FANCL: variants seen among roughly 807,000 people sequenced by gnomAD.
FANCL encodes the protein E3 ubiquitin-protein ligase FANCL.
FANCL carries 69 observed loss-of-function variants against 59.4 expected under a neutral mutation model. The observed-to-expected ratio is 1.16, with a 90% CI of 0.96 to 1.42. The LOEUF is 1.42. Ranked by LOEUF, FANCL falls within the 40% of genes most tolerant of loss-of-function variation. FANCL has a pLI of 0.00. For synonymous variants in FANCL, 180 were observed against 147.1 expected (o/e 1.22, Z -1.62); for missense variants, 519 against 447.2 (o/e 1.16, Z -1.45).
At chr2:58,174,126 G>C (rs1274036984) in intron 7 of FANCL, among the ~76,000 whole-genome samples, 1 of 152,174 alleles carries the variant, frequency 6.6e-6, no homozygotes, top group Non-Finnish European at 1.5e-5. Context: ...GGAGCACCCA[G>C]ATTCATAAAA....
chr2:58,198,688 C>G (rs985619388), intron 6 of FANCL, 26 bp from the exon 7 acceptor site: 2 of 1,579,222 alleles, frequency 1.3e-6, no homozygotes, highest in African/African-American at 1.3e-5. Context: ...AACATTAGAC[C>G]ATTTTTGCTT....
chr2:58,238,572 A>C (rs541209988), intron 1 of FANCL, among the ~76,000 whole-genome samples: 1 of 152,316 alleles, frequency 6.6e-6, no homozygotes, highest in African/African-American at 2.4e-5. Context: ...GACACAAACT[A>C]CCAAAGCTCA....
At chr2:58,175,640 T>A (rs930586749) in intron 7 of FANCL, among the ~76,000 whole-genome samples, 2 of 152,110 alleles carry the variant, frequency 1.3e-5, no homozygotes, top group Non-Finnish European at 2.9e-5. Flanking sequence ...TATCTCAAAA[T>A]AATAAGAGCT....
At position 58,175,329 on chromosome 2, in the gene FANCL, C is replaced by A. The variant is rs544234144; in HGVS notation, c.541-9455G>T. On this transcript the variant is annotated intron_variant, in intron 7 of 13. Coordinates refer to ENST00000233741, the MANE Select transcript of FANCL (RefSeq NM_018062.4). Reference sequence around the variant, plus strand: ...TACCAAAGCCGGGCAGAGACACAACCAAAAAAGAGAATTTTACACCAATAT... The same window carrying A: ...TACCAAAGCCGGGCAGAGACACAACAAAAAAAGAGAATTTTACACCAATAT... Among the ~76,000 whole-genome samples the A allele has an allele frequency of 5.1e-3, 758 of 147,422 alleles. 5 individuals carry two copies. The highest frequency in any genetic ancestry group is 0.018 in the African/African-American group (691 of 38,252).
rs1299778194 is a variant in FANCL, at chr2:58,221,933, CAG to C, written c.374+7_374+8del. The C allele has an allele frequency of 6.3e-7, 1 of 1,579,494 alleles. No homozygotes were observed. The highest frequency in any genetic ancestry group is 1.3e-5 in the African/African-American group (1 of 74,196). On this transcript the variant is annotated splice_region_variant and intron_variant, in intron 5 of 13. Coordinates refer to ENST00000233741, the MANE Select transcript of FANCL (RefSeq NM_018062.4). Reference sequence around the variant, plus strand: ...AAGGCATTTAAAACATATTTTAAAACAGACATACTTATCCCAACCAAGAGTTC... The same window carrying C: ...AAGGCATTTAAAACATATTTTAAAACACATACTTATCCCAACCAAGAGTTC...
intron 1 of FANCL, among the ~76,000 whole-genome samples, chr2:58,235,070 A>G (rs1693888992): frequency 6.6e-6 from 1 of 152,026 alleles, no homozygotes. Flanking sequence ...AAATAAGAGC[A>G]TAATATTCTC....
chr2:58,168,503 A>T (rs910115115), intron 7 of FANCL, among the ~76,000 whole-genome samples: 1 of 152,116 alleles, frequency 6.6e-6, no homozygotes, highest in Admixed American at 6.5e-5. Context: ...CTGGGTTTCA[A>T]GCACAAAACT....
chr2:58,161,411 A>ATTTT (rs1685142504), intron 12 of FANCL, 111 bp downstream of exon 12: 2 of 786,394 alleles, frequency 2.5e-6, no homozygotes, highest in Non-Finnish European at 2.3e-6. Flanking sequence ...TAATGGCAAA[A>ATTTT]GAGAGGATCA....
At chr2:58,231,073 T>C (rs1693534892) in intron 2 of FANCL, among the ~76,000 whole-genome samples, 1 of 152,210 alleles carries the variant, frequency 6.6e-6, no homozygotes, top group Non-Finnish European at 1.5e-5. Context: ...AGCCTCTCTT[T>C]ATTTGGCTTG....
chr2:58,193,603 C>G (rs1010782593), intron 7 of FANCL, among the ~76,000 whole-genome samples: 1 of 151,982 alleles, frequency 6.6e-6, no homozygotes, highest in Admixed American at 6.6e-5. Flanking sequence ...AACAGTAAGA[C>G]TGCCAACAAA....
intron 6 of FANCL, among the ~76,000 whole-genome samples, chr2:58,203,144 C>T (rs980815381): frequency 6.6e-6 from 1 of 151,400 alleles, no homozygotes; most frequent in Non-Finnish European, 1.5e-5. Context: ...CTAATTTTTT[C>T]CAAGACTTAT....
chr2:58,236,090 GT>G (rs1428351119), intron 1 of FANCL, among the ~76,000 whole-genome samples: 1 of 150,620 alleles, frequency 6.6e-6, no homozygotes. Context: ...AATGGCAGAT[GT>G]TTTTTCCAAA....
intron 8 of FANCL, among the ~76,000 whole-genome samples, chr2:58,164,662 G>A (rs1685699709): frequency 6.6e-6 from 1 of 151,976 alleles, no homozygotes; most frequent in Non-Finnish European, 1.5e-5. Flanking sequence ...GAGAAATATA[G>A]TAAGTATATT....
Position 58,217,185 on chromosome 2 carries a change from T to G in FANCL, c.374+4757A>C, listed in dbSNP as rs1273257776. Among the ~76,000 whole-genome samples the G allele has an allele frequency of 1.4e-3, 7 of 5,066 alleles. 1 individual carries two copies. The highest frequency in any genetic ancestry group is 2.4e-3 in the Non-Finnish European group (7 of 2,916). 3.3% of individuals were successfully genotyped at this position (5,066 alleles called of 152,430 possible). A position where few individuals can be genotyped will look rare whatever the true frequency, so the allele number is the denominator to read the frequency against. On this transcript the variant is annotated intron_variant, in intron 5 of 13. Coordinates refer to ENST00000233741, the MANE Select transcript of FANCL (RefSeq NM_018062.4). ...TATATTTTATATATATATATATATA[T>G]ATATATATATATATATATATATATA...
rs746967598 is a variant in FANCL at position 58,161,550 on chromosome 2, T to G, written c.992A>C (p.Gln331Pro). 4 of 1,610,316 alleles carry G rather than the reference T, an allele frequency of 2.5e-6. No individual in the cohort carries two copies. The Admixed American group carries it at 5.0e-5, about 20-fold the overall frequency. Residue 331 changes from glutamine to proline, a missense_variant, in exon 12 of 14, where the codon CAA (glutamine) becomes CCA (proline). Transcript: ENST00000233741. ...DQVCDNSQCG[Q>P]PFHQICLYEW... is the part of the protein sequence containing the mutation. Reference sequence around the variant, plus strand: ...ATATAAGCATATTTGATGGAAAGGTTGTCCACACTGAGAATTATCACACAC... The same window carrying G: ...ATATAAGCATATTTGATGGAAAGGTGGTCCACACTGAGAATTATCACACAC...
At chr2:58,208,404 T>A (rs914929978) in intron 5 of FANCL, among the ~76,000 whole-genome samples, 1 of 152,202 alleles carries the variant, frequency 6.6e-6, no homozygotes, top group Non-Finnish European at 1.5e-5. Flanking sequence ...ATAAGTTAAA[T>A]TTTTTAAACA....
At chr2:58,196,166 A>G (rs963726277) in intron 7 of FANCL, among the ~76,000 whole-genome samples, 29 of 152,294 alleles carry the variant, frequency 1.9e-4, no homozygotes, top group African/African-American at 6.7e-4. Flanking sequence ...AAATATGGCA[A>G]AAAGTATGCA....
intron 4 of FANCL, among the ~76,000 whole-genome samples, chr2:58,226,273 A>AAG (rs1480873933): frequency 6.6e-6 from 1 of 152,202 alleles, no homozygotes; most frequent in Non-Finnish European, 1.5e-5. Flanking sequence ...GGATAAACTG[A>AAG]ATAATCAAGT....
intron 3 of FANCL, among the ~76,000 whole-genome samples, chr2:58,229,502 C>G (rs1367127684): frequency 1.3e-5 from 2 of 152,110 alleles, no homozygotes; most frequent in Non-Finnish European, 2.9e-5. Flanking sequence ...CTAAATGGGT[C>G]TGATTTTTTT....
Sources: gnomAD v4.1 joint callset for allele counts (sites outside exome capture counted in the v4.1 genomes callset) on GRCh38, gnomAD v4.1.1 for gene constraint, MANE v1.5 for transcripts, NCBI Gene and HGNC (gene_info 2026-07-23, HGNC 2026-07-21) for gene names.